The following MAGIX variants were observed in gnomAD, a reference collection of about 807,000 sequenced individuals.
The protein encoded by MAGIX is PDZ domain-containing protein MAGIX.
Under a neutral mutation model 10.0 loss-of-function variants are expected in MAGIX, and 13 were observed. The observed-to-expected ratio is 1.30, with a 90% confidence interval of 0.84 to 2.06. The LOEUF (loss-of-function observed/expected upper bound fraction) is 2.06. Ranked by LOEUF, MAGIX falls within the 30% of genes most tolerant of loss-of-function variation. MAGIX has a pLI of 0.00. For synonymous variants in MAGIX, 108 were observed against 106.8 expected (o/e 1.01, Z -0.07); for missense variants, 235 against 245.2 (o/e 0.96, Z 0.28).
At chrX:49,165,797 A>G in intron 4 of MAGIX, 1 of 360,237 alleles carries the variant, frequency 2.8e-6, no homozygotes, top group South Asian at 6.1e-5. Context: ...GGGATGAGAG[A>G]GGAGAGAGCA....
chrX:49,165,026 A>T (rs1557097395), exon 3 of MAGIX: 2 of 1,209,150 alleles, frequency 1.7e-6, no homozygotes, highest in South Asian at 1.8e-5. Context: ...GTAGCTGGGG[A>T]CACTCCGCTG....
exon 2 of MAGIX, chrX:49,163,887 G>C: frequency 9.7e-7 from 1 of 1,033,394 alleles, no homozygotes; most frequent in Non-Finnish European, 1.2e-6. Flanking sequence ...GGCAGCGCTG[G>C]TACGCAGGGC....
At chrX:49,164,187 CT>C in intron 2 of MAGIX, 1 of 272,174 alleles carries the variant, frequency 3.7e-6, no homozygotes, top group Non-Finnish European at 6.4e-6. Context: ...GGCGGCGGTC[CT>C]TTTTGAGGAG....
exon 3 of MAGIX, chrX:49,164,955 C>T (rs944805838): frequency 8.2e-7 from 1 of 1,212,290 alleles, no homozygotes; most frequent in Admixed American, 2.2e-5. Flanking sequence ...CTGGTCATTT[C>T]TCTGTGGAGC....
At chrX:49,164,226 G>A (rs1385607559) in intron 2 of MAGIX, 27 of 265,183 alleles carry the variant, frequency 1.0e-4, no homozygotes, top group African/African-American at 6.2e-4. Context: ...CTTGGGGGGC[G>A]GGCACGCAGC....
intron 1 of MAGIX, chrX:49,162,887 G>A: frequency 1.1e-6 from 1 of 905,041 alleles, no homozygotes. Context: ...CGGACTACTG[G>A]CCATGGAGCC....
intron 1 of MAGIX, chrX:49,162,928 G>A (rs1282955875): frequency 4.1e-5 from 31 of 749,962 alleles, no homozygotes; most frequent in Non-Finnish European, 5.5e-5. Context: ...ACCCTAGGGG[G>A]AGCAGAGGAG....
exon 5 of MAGIX, chrX:49,166,792 G>A (rs1317232396): frequency 1.4e-5 from 2 of 146,379 alleles, no homozygotes; most frequent in Non-Finnish European, 2.6e-5. Flanking sequence ...TCAGTCTGGC[G>A]TGCTTTCTTT....
In MAGIX at chrX:49,164,859, C is replaced by T. The variant is rs781982281; in HGVS notation, c.99C>T (p.Phe33=). 3 of 1,211,640 alleles carry T rather than the reference C, an allele frequency of 2.5e-6. No individual in the cohort carries two copies. The highest frequency in any genetic ancestry group is 2.2e-5 in the Admixed American group (1 of 46,124). ...ACTATGTACACCTGTGTCCTTTATT[C>T]CAGCACCGTTGGTTAGAGACATGTA... The change falls in exon 3 of 5, where the codon TTC becomes TTT. Residue 33 remains phenylalanine (F), a synonymous_variant. Transcript: ENST00000616266.
chrX:49,163,814 C>A, exon 2 of MAGIX: 1 of 1,049,944 alleles, frequency 9.5e-7, no homozygotes, highest in South Asian at 2.7e-5. Context: ...CGGGCCCTAG[C>A]GCCCGGCAGC....
At chrX:49,165,133 C>A (rs1557097476) in intron 3 of MAGIX, 43 bp downstream of exon 4, 4 of 1,200,973 alleles carry the variant, frequency 3.3e-6, no homozygotes, top group African/African-American at 3.5e-5. Flanking sequence ...CTATCCCTGC[C>A]TTTGTTGGGG....
At chrX:49,164,678 C>A (rs1557097110) in intron 2 of MAGIX, 29 bp from the exon 3 acceptor site, 2 of 1,175,140 alleles carry the variant, frequency 1.7e-6, no homozygotes, top group South Asian at 1.8e-5. Flanking sequence ...TGTCCCCCAA[C>A]AGCCCTCTCC....
At chrX:49,164,449 G>C (rs992018795) in intron 2 of MAGIX, 2 of 441,178 alleles carry the variant, frequency 4.5e-6, no homozygotes, top group Non-Finnish European at 7.9e-6. Flanking sequence ...GAGGGAGATA[G>C]GAAGGCCTGG....
At chrX:49,164,899 T>C (rs782701023) in exon 3 of MAGIX, 16 of 1,210,923 alleles carry the variant, frequency 1.3e-5, no homozygotes, top group Admixed American at 4.4e-5. Context: ...ACCTCCCCAA[T>C]TGATCCAGGG....
chrX:49,166,306 A>G, exon 5 of MAGIX: 1 of 1,180,062 alleles, frequency 8.5e-7, no homozygotes, highest in Non-Finnish European at 1.1e-6. Flanking sequence ...GGCCCTGGCT[A>G]GTGCCCAGCG....
intron 2 of MAGIX, chrX:49,164,229 C>A: frequency 3.8e-6 from 1 of 259,888 alleles, no homozygotes; most frequent in Non-Finnish European, 6.8e-6. Context: ...GGGGGGCGGG[C>A]ACGCAGCGAA....
chrX:49,166,413 A>C (rs1477955879), exon 5 of MAGIX: 4 of 1,100,885 alleles, frequency 3.6e-6, no homozygotes, highest in Non-Finnish European at 4.8e-6. Context: ...TACCTCTGAC[A>C]GCGCGGGGCT....
At chrX:49,163,998 C>A in intron 2 of MAGIX, 69 bp downstream of exon 2, 1 of 949,476 alleles carries the variant, frequency 1.1e-6, no homozygotes, top group African/African-American at 2.1e-5. Context: ...TGGGACAGGC[C>A]TGGGGGGTCA....
intron 1 of MAGIX, 23 bp downstream of exon 1, chrX:49,162,961 G>A: frequency 1.7e-6 from 1 of 576,826 alleles, no homozygotes; most frequent in Non-Finnish European, 2.5e-6. Flanking sequence ...GGGTCGTTGG[G>A]GAAGGACAGG....
Sources: gnomAD v4.1 joint callset for allele counts on GRCh38, gnomAD v4.1.1 for gene constraint, MANE v1.5 for transcripts, NCBI Gene and HGNC (gene_info 2026-07-23, HGNC 2026-07-21) for gene names.